The following CCDC197 variants were observed in gnomAD, a reference collection of about 807,000 sequenced individuals.
CCDC197 encodes the protein uncharacterized protein CCDC197.
A neutral mutation model predicts 13.4 loss-of-function variants in CCDC197; 24 were observed. The observed-to-expected ratio is 1.80, with a 90% confidence interval of 1.30 to 2.53. CCDC197 has a LOEUF of 2.53. Among genes scored for constraint, CCDC197 ranks in the 30% most tolerant of loss-of-function variants. CCDC197 has a pLI of 0.00. For synonymous variants in CCDC197, 99 were observed against 55.5 expected, an observed-to-expected ratio of 1.78 and a Z score of -3.48; for missense variants, 255 against 148.8, an observed-to-expected ratio of 1.71 and a Z score of -3.71.
intron 2 of CCDC197, among the ~76,000 whole-genome samples, 171 bp downstream of exon 2, chr14:93,998,406 G>A (rs1485803546): frequency 3.3e-5 from 5 of 152,346 alleles, no homozygotes; most frequent in South Asian, 2.1e-4. Flanking sequence ...CAGCTGTGAC[G>A]GGAGAGAGAA....
At chr14:94,011,438 G>A (rs182300980), downstream of CCDC197, among the ~76,000 whole-genome samples, 836 of 152,344 alleles carry the variant, frequency 5.5e-3, 5 homozygotes, top group Non-Finnish European at 8.0e-3. Context: ...TGGGTACCTT[G>A]GGAGCTCCCA....
downstream of CCDC197, chr14:94,008,887 A>C: frequency 1.5e-6 from 1 of 649,006 alleles, no homozygotes; most frequent in South Asian, 1.7e-5. Flanking sequence ...CACCACCAAC[A>C]TCTCTAAGCC....
rs2141379807 is a variant in CCDC197 at position 94,004,841 on chromosome 14, T to C, written c.499-14T>C. 1.4e-6 allele frequency: 1 copy of C among 702,598 alleles called. No individual in the cohort carries two copies. Among genetic ancestry groups the C allele is most frequent in the Admixed American group, 2.0e-5 (1 of 49,976 alleles). 43.5% of individuals were successfully genotyped at this position (702,598 alleles called of 1,614,324 possible). Reference sequence around the variant, plus strand: ...AGAGCCTGAGCCACCACCTCCTCCTTCTCTTTCCTGCAGGATCAGCTGCTC... The same window carrying C: ...AGAGCCTGAGCCACCACCTCCTCCTCCTCTTTCCTGCAGGATCAGCTGCTC... On this transcript the variant is annotated splice_polypyrimidine_tract_variant and intron_variant, in intron 5 of 6. Coordinates refer to ENST00000636493, the MANE Select transcript of CCDC197 (RefSeq NM_001351596.2).
At position 94,008,185 on chromosome 14, in the gene CCDC197, C is replaced by T. The variant is rs551678743; in HGVS notation, c.616-424C>T. Among the ~76,000 whole-genome samples the T allele has an allele frequency of 2.0e-5, 3 of 152,364 alleles. No homozygotes were observed. The East Asian group carries it at 5.8e-4, about 29-fold the overall frequency. On this transcript the variant is annotated intron_variant, in intron 6 of 6. Coordinates refer to ENST00000636493, the MANE Select transcript of CCDC197 (RefSeq NM_001351596.2). ...TCTGGATTGACATCTGTCAGTCACTCAGCCAACATGAATTGAGCCACCTGA... is the reference window on the plus strand; with the variant it reads ...TCTGGATTGACATCTGTCAGTCACTTAGCCAACATGAATTGAGCCACCTGA...
rs368809163 is a variant in CCDC197 at position 94,005,411 on chromosome 14, T to C, written c.615+440T>C. Among the ~76,000 whole-genome samples, 41 of 152,314 alleles carry C rather than the reference T, an allele frequency of 2.7e-4. 2 individuals are homozygous for C. In the South Asian group the frequency reaches 4.3e-3, roughly 16 times the overall value. ...ATCACACTTACACATATGAGAACGC[T>C]GGCAGCGGGCATTTCAGTGACTGAG... On this transcript the variant is annotated intron_variant, in intron 6 of 6. Transcript: ENST00000636493.
At chr14:93,993,550 CTCT>C (rs1377883273), upstream of CCDC197, among the ~76,000 whole-genome samples, 2 of 152,256 alleles carry the variant, frequency 1.3e-5, no homozygotes, top group Non-Finnish European at 2.9e-5. Context: ...CGCAGCCCCA[CTCT>C]GCATCCTGAG....
intron 1 of CCDC197, among the ~76,000 whole-genome samples, chr14:93,990,694 G>T (rs1375884167): frequency 6.6e-6 from 1 of 152,206 alleles, no homozygotes; most frequent in Non-Finnish European, 1.5e-5. Context: ...GGGTGGGTGA[G>T]CCAGAATTGG....
upstream of CCDC197, among the ~76,000 whole-genome samples, chr14:93,994,385 T>C (rs570762998): frequency 6.6e-6 from 1 of 152,328 alleles, no homozygotes; most frequent in East Asian, 1.9e-4. Context: ...AGTTTTCTCA[T>C]CTGCAAAATG....
Position 93,998,226 on chromosome 14 carries a change from T to A in CCDC197, c.95T>A (p.Leu32His). 1.3e-6 allele frequency: 1 copy of A among 780,054 alleles called. No individual in the cohort carries two copies. Among genetic ancestry groups the A allele is most frequent in the Non-Finnish European group, 2.4e-6 (1 of 418,092 alleles). 48.3% of individuals were successfully genotyped at this position (780,054 alleles called of 1,614,324 possible). ...LQGLWQELYQ[L>H]QAKQKKLKRE... Reference sequence around the variant, plus strand: ...GGGCTGTGGCAGGAACTCTACCAGCTCCAGGCTAAGTATGTGTTGTCCCAC... The same window carrying A: ...GGGCTGTGGCAGGAACTCTACCAGCACCAGGCTAAGTATGTGTTGTCCCAC... The change falls in exon 2 of 7, where the codon CTC becomes CAC. Residue 32 changes from leucine (L) to histidine (H), a missense_variant. Leu to His is a moderately conservative substitution (Grantham distance 99). Transcript: ENST00000636493.
chr14:93,990,555 C>G (rs1567039644), intron 1 of CCDC197, among the ~76,000 whole-genome samples: 1 of 152,218 alleles, frequency 6.6e-6, no homozygotes, highest in Non-Finnish European at 1.5e-5. Context: ...CTGGGGACAT[C>G]TCCTTCCAAG....
chr14:93,999,735 C>G (rs4905137), intron 3 of CCDC197, 70 bp downstream of exon 3: 407,154 of 766,726 alleles, frequency 0.53, 115,615 homozygotes, highest in East Asian at 0.99. Flanking sequence ...ACTGCGACAC[C>G]GTGTGTGGCC....
chr14:93,998,114 G>A lies in CCDC197; in HGVS notation c.-18G>A. ...CACGGGTCTCCTGTCCTCCTGCATA[G>A]CTTGCGGTGGTGAGGTGATGGCAGC... On this transcript the variant is annotated 5_prime_UTR_variant, in exon 2 of 7. Transcript: ENST00000636493. 1.3e-6 allele frequency: 1 copy of A among 780,482 alleles called. No homozygotes were observed. The highest frequency in any genetic ancestry group is 2.4e-6 in the Non-Finnish European group (1 of 418,092). The allele number at this position is 780,482 out of a possible 1,614,324, so 48.3% of individuals were successfully genotyped here.
At chr14:94,002,674 G>A (rs930061435) in intron 4 of CCDC197, among the ~76,000 whole-genome samples, 3 of 152,028 alleles carry the variant, frequency 2.0e-5, no homozygotes, top group African/African-American at 7.2e-5. Flanking sequence ...CCAACATGGT[G>A]AAACCCCATC....
chr14:93,999,393 G>A (rs1567042387), intron 2 of CCDC197, 190 bp from the exon 3 acceptor site: 2 of 574,262 alleles, frequency 3.5e-6, no homozygotes, highest in African/African-American at 3.8e-5. Context: ...ATCTGCTTGT[G>A]GCTCAGTTTG....
chr14:93,998,138 G>A lies in CCDC197; in HGVS notation c.7G>A (p.Ala3Thr). MA[A>T]MDTGQRADPS... ...AGCTTGCGGTGGTGAGGTGATGGCA[G>A]CCATGGACACAGGCCAGAGAGCTGA... is the stretch of plus-strand genomic sequence containing the variant. The change falls in exon 2 of 7, where the codon GCC becomes ACC. Residue 3 changes from alanine to threonine, a missense_variant. Physicochemically the swap from Ala to Thr is moderately conservative, Grantham distance 58 (BLOSUM62 0). Transcript: ENST00000636493. The A allele has an allele frequency of 1.3e-6, 1 of 780,730 alleles. No individual in the cohort carries two copies. Among genetic ancestry groups the A allele is most frequent in the Non-Finnish European group, 2.4e-6 (1 of 418,120 alleles). 48.4% of individuals were successfully genotyped at this position (780,730 alleles called of 1,614,324 possible). A position where few individuals can be genotyped will look rare whatever the true frequency, so the allele number is the denominator to read the frequency against.
chr14:93,999,926 G>T (rs1043655792), intron 3 of CCDC197, among the ~76,000 whole-genome samples: 1 of 152,142 alleles, frequency 6.6e-6, no homozygotes, highest in African/African-American at 2.4e-5. Flanking sequence ...TGTACAATGG[G>T]AACAGCAATA....
chr14:94,006,655 C>A (rs1490607698), intron 6 of CCDC197, among the ~76,000 whole-genome samples: 4 of 150,610 alleles, frequency 2.7e-5, no homozygotes, highest in East Asian at 1.9e-4. Flanking sequence ...CTGTTCCCGG[C>A]CTATTTGTCT....
chr14:93,989,463 G>A (rs1287676560), intron 1 of CCDC197, among the ~76,000 whole-genome samples: 1 of 152,116 alleles, frequency 6.6e-6, no homozygotes, highest in Non-Finnish European at 1.5e-5. Context: ...ATACATGCAG[G>A]AGCCATCAGT....
chr14:93,993,306 G>C (rs1385376484), upstream of CCDC197, among the ~76,000 whole-genome samples: 11 of 152,198 alleles, frequency 7.2e-5, no homozygotes, highest in Admixed American at 7.2e-4. Flanking sequence ...CAGTTTAAAA[G>C]TTTCCGCTTT....
Sources: allele counts gnomAD v4.1 joint callset (sites outside exome capture counted in the v4.1 genomes callset), GRCh38; gene constraint gnomAD v4.1.1; transcripts MANE v1.5; gene names NCBI Gene and HGNC (gene_info 2026-07-23, HGNC 2026-07-21).